The following B4GALNT4 variants were observed in gnomAD, a reference collection of about 807,000 sequenced individuals.
B4GALNT4 encodes the protein N-acetyl-beta-glucosaminyl-glycoprotein 4-beta-N-acetylgalactosaminyltransferase 1.
In B4GALNT4, 77 loss-of-function variants were observed where a neutral mutation model predicts 110.0. That is an observed-to-expected ratio of 0.70 (90% confidence interval 0.58 to 0.85). The LOEUF is 0.85. B4GALNT4 is among the 40% of genes least tolerant of loss of function. The pLI is 0.00. For missense variants in B4GALNT4, 1,575 were observed against 1,506.0 expected (o/e 1.05, Z -0.76); for synonymous variants, 785 against 655.5 (o/e 1.20, Z -3.02).
At chr11:377,368 G>A in intron 14 of B4GALNT4, 41 bp downstream of exon 14, 3 of 1,456,772 alleles carry the variant, frequency 2.1e-6, no homozygotes, top group Non-Finnish European at 2.7e-6. Flanking sequence ...GGTTTTGGAG[G>A]CGGGGACAGC....
intron 2 of B4GALNT4, among the ~76,000 whole-genome samples, 194 bp downstream of exon 2, chr11:372,406 G>C (rs1468932145): frequency 2.0e-5 from 3 of 152,104 alleles, no homozygotes; most frequent in Admixed American, 2.0e-4. Flanking sequence ...CTGTGTCTGG[G>C]GGCTGCAGCA....
chr11:376,715 G>C lies in B4GALNT4; in HGVS notation c.1592G>C (p.Arg531Pro). Residue 531 changes from arginine (R) to proline (P), a missense_variant, in exon 14 of 20, where the codon CGG (arginine) becomes CCG (proline). By Grantham distance (103) the Arg-to-Pro change is moderately radical. Coordinates refer to ENST00000329962, the MANE Select transcript of B4GALNT4 (RefSeq NM_178537.5). ...PPPKVYVTRV[R>P]PGQRASPRAP... Reference sequence around the variant, plus strand: ...CCAAAGGTGTACGTGACCAGGGTGCGGCCGGGACAGCGGGCATCCCCCCGG... The same window carrying C: ...CCAAAGGTGTACGTGACCAGGGTGCCGCCGGGACAGCGGGCATCCCCCCGG... The C allele has an allele frequency of 7.1e-7, 1 of 1,408,658 alleles. No individual in the cohort carries two copies. Among genetic ancestry groups the C allele is most frequent in the Non-Finnish European group, 9.2e-7 (1 of 1,087,456 alleles). 87.3% of individuals were successfully genotyped at this position (1,408,658 alleles called of 1,614,324 possible).
chr11:380,600 G>A lies in B4GALNT4; in HGVS notation c.2869+155G>A, dbSNP rs920402576. ...CCAGAGCCCCAGTCCCCCCGCACCA[G>A]CACACCCAGGGCCATGCCAGGGGCC... is the stretch of plus-strand genomic sequence containing the variant. On this transcript the variant is annotated intron_variant, in intron 18 of 19. Coordinates refer to ENST00000329962, the MANE Select transcript of B4GALNT4 (RefSeq NM_178537.5). The A allele has an allele frequency of 2.0e-5, 26 of 1,282,160 alleles. No homozygotes were observed. In the African/African-American group the frequency reaches 3.1e-4, roughly 15 times the overall value. The allele number at this position is 1,282,160 out of a possible 1,614,324, so 79.4% of individuals were successfully genotyped here.
chr11:373,837 C>T lies in B4GALNT4; in HGVS notation c.783+9C>T. The T allele has an allele frequency of 1.9e-6, 3 of 1,611,282 alleles. No homozygotes were observed. Among genetic ancestry groups the T allele is most frequent in the East Asian group, 2.2e-5 (1 of 44,848 alleles). On this transcript the variant is annotated intron_variant, in intron 8 of 19. Coordinates refer to ENST00000329962, the MANE Select transcript of B4GALNT4 (RefSeq NM_178537.5). ...ACCACGTGGAAGTGGGCGTGAGTGC[C>T]TTCCTCCCCTGGGGGCTTCTGGAGA...
rs549399924 is a variant in B4GALNT4, at chr11:370,258, C to A, written c.151+304C>A. 7.6e-4 allele frequency among the ~76,000 whole-genome samples: 115 copies of A among 152,156 alleles called. No individual in the cohort carries two copies. The South Asian group carries it at 0.013, about 17-fold the overall frequency. On this transcript the variant is annotated intron_variant, in intron 1 of 19. Coordinates refer to ENST00000329962, the MANE Select transcript of B4GALNT4 (RefSeq NM_178537.5). ...CCTGACTCTGGGATCTGGCTTGGAT[C>A]CGGTAGTGAGGGGCTGACGGTGGGC...
chr11:375,538 A>G lies in B4GALNT4; in HGVS notation c.850+11A>G. ...TCTCCCTGTACACAGGTGCGAGCGG[A>G]CGCCTCTGGGGATGTGGGGCTCCTC... On this transcript the variant is annotated intron_variant, in intron 9 of 19. Coordinates refer to ENST00000329962, the MANE Select transcript of B4GALNT4 (RefSeq NM_178537.5). 4 of 1,609,456 alleles carry G rather than the reference A, an allele frequency of 2.5e-6. No homozygotes were observed. Among genetic ancestry groups the G allele is most frequent in the Non-Finnish European group, 3.4e-6 (4 of 1,179,748 alleles).
At position 379,542 on chromosome 11, in the gene B4GALNT4, G is replaced by T; in HGVS notation, c.2329G>T (p.Val777Phe). 1 of 1,587,572 alleles carries T rather than the reference G, an allele frequency of 6.3e-7. No homozygotes were observed. The highest frequency in any genetic ancestry group is 8.5e-7 in the Non-Finnish European group (1 of 1,169,958). ...CGGCCGCCTGCGACTGTCCGAGTACGTCTTCCTGCGGCTGCCGGGAGCCCG... is the reference window on the plus strand; with the variant it reads ...CGGCCGCCTGCGACTGTCCGAGTACTTCTTCCTGCGGCTGCCGGGAGCCCG... ...GGGRLRLSEYVFLRLPGARVG... is the reference protein window; with the variant it reads ...GGGRLRLSEYFFLRLPGARVG... The change falls in exon 15 of 20, where the codon GTC (valine) becomes TTC (phenylalanine). Residue 777 changes from valine to phenylalanine, a missense_variant. Transcript: ENST00000329962.
At chr11:378,156 G>A (rs1035257161) in intron 14 of B4GALNT4, among the ~76,000 whole-genome samples, 3 of 152,214 alleles carry the variant, frequency 2.0e-5, no homozygotes, top group Admixed American at 6.5e-5. Flanking sequence ...TGCGAGCAGA[G>A]CAAAGGCAGG....
At position 376,057 on chromosome 11, in the gene B4GALNT4, G is replaced by GGCCC; in HGVS notation, c.1096-17_1096-16insGCCC. ...GGGAGGTCCGCGCCCTGAGCCCTGC[G>GGCCC]CCCCCCCACCCCCCAGGTGTACCTG... is the stretch of plus-strand genomic sequence containing the variant. On this transcript the variant is annotated splice_polypyrimidine_tract_variant and intron_variant, in intron 11 of 19. Coordinates refer to ENST00000329962, the MANE Select transcript of B4GALNT4 (RefSeq NM_178537.5). 6.3e-7 allele frequency: 1 copy of GGCCC among 1,579,354 alleles called. No individual in the cohort carries two copies. The highest frequency in any genetic ancestry group is 8.7e-7 in the Non-Finnish European group (1 of 1,150,856).
chr11:369,595 C>T lies in B4GALNT4; in HGVS notation c.-209C>T, dbSNP rs1416217965. ...GGGCGGGGGGCACCGCGAGGAGCCG[C>T]CCCCGCCGCCCACCCCGGGCCCGCG... is the stretch of plus-strand genomic sequence containing the variant. On this transcript the variant is annotated 5_prime_UTR_variant, in exon 1 of 20. Transcript: ENST00000329962. Among the ~76,000 whole-genome samples the T allele has an allele frequency of 6.9e-6, 1 of 144,076 alleles. No homozygotes were observed. The highest frequency in any genetic ancestry group is 1.5e-5 in the Non-Finnish European group (1 of 65,082). 94.5% of individuals were successfully genotyped at this position (144,076 alleles called of 152,430 possible).
chr11:372,307 A>T, intron 2 of B4GALNT4, 95 bp downstream of exon 2: 1 of 1,167,830 alleles, frequency 8.6e-7, no homozygotes, highest in Non-Finnish European at 1.2e-6. Flanking sequence ...ATTCTGGAGG[A>T]CGCAGCAGGG....
intron 7 of B4GALNT4, 115 bp downstream of exon 7, chr11:373,631 C>A: frequency 6.6e-7 from 1 of 1,515,350 alleles, no homozygotes; most frequent in Non-Finnish European, 9.1e-7. Flanking sequence ...CCCGCCCGGC[C>A]AAGCTGCCAT....
Position 381,662 on chromosome 11 carries a change from G to T in B4GALNT4, c.2997-7G>T, listed in dbSNP as rs1564873674. The T allele has an allele frequency of 2.5e-6, 4 of 1,580,634 alleles. No individual in the cohort carries two copies. In the South Asian group the frequency reaches 3.4e-5, roughly 13 times the overall value. ...GGTCCTGACCACCTCTCTGCCCCCG[G>T]CCCCAGGGTCCTGCAGGCAGGGCTG... On this transcript the variant is annotated splice_polypyrimidine_tract_variant and splice_region_variant and intron_variant, in intron 19 of 19. Coordinates refer to ENST00000329962, the MANE Select transcript of B4GALNT4 (RefSeq NM_178537.5).
rs1185862972 is a variant in B4GALNT4 at position 380,821 on chromosome 11, C to T, written c.2870-4C>T. Reference sequence around the variant, plus strand: ...GGGTAGCACCCCTCACCCTCCCGCCCCAGGTTACTGGGAGGTGAACGGCTT... The same window carrying T: ...GGGTAGCACCCCTCACCCTCCCGCCTCAGGTTACTGGGAGGTGAACGGCTT... On this transcript the variant is annotated splice_polypyrimidine_tract_variant and splice_region_variant and intron_variant, in intron 18 of 19. Transcript: ENST00000329962. 4 of 1,613,724 alleles carry T rather than the reference C, an allele frequency of 2.5e-6. No homozygotes were observed. Among genetic ancestry groups the T allele is most frequent in the Non-Finnish European group, 3.4e-6 (4 of 1,179,900 alleles).
chr11:376,989 G>A lies in B4GALNT4; in HGVS notation c.1866G>A (p.Ala622=). ...TGGACTCAAACTTGTCCTCCGAAGCGCGGCCCGTGACCTCCTTCCTGAGCT... is the reference window on the plus strand; with the variant it reads ...TGGACTCAAACTTGTCCTCCGAAGCACGGCCCGTGACCTCCTTCCTGAGCT... ...PTVDSNLSSE[A]RPVTSFLSLS... The change falls in exon 14 of 20, where the codon GCG becomes GCA. Residue 622 remains alanine, a synonymous_variant. Transcript: ENST00000329962. 1 of 1,454,978 alleles carries A rather than the reference G, an allele frequency of 6.9e-7. No individual in the cohort carries two copies. The highest frequency in any genetic ancestry group is 9.0e-7 in the Non-Finnish European group (1 of 1,109,232). 90.1% of individuals were successfully genotyped at this position (1,454,978 alleles called of 1,614,324 possible).
In B4GALNT4 at chr11:379,435, G is replaced by T; in HGVS notation, c.2222G>T (p.Arg741Leu). ...CCTTGCAGGCGCTTCGCGCTTCTGC[G>T]CATCGTGAACGTGGAGAAGCGCCGG... is the stretch of plus-strand genomic sequence containing the variant. ...ARHGGRFALLRIVNVEKRRDS... is the reference protein window; with the variant it reads ...ARHGGRFALLLIVNVEKRRDS... The change falls in exon 15 of 20, where the codon CGC becomes CTC. Residue 741 changes from arginine (R) to leucine (L), a missense_variant. By Grantham distance (102) the Arg-to-Leu change is moderately radical (BLOSUM62 -2). Transcript: ENST00000329962. 6.5e-7 allele frequency: 1 copy of T among 1,535,272 alleles called. No individual in the cohort carries two copies. The highest frequency in any genetic ancestry group is 8.7e-7 in the Non-Finnish European group (1 of 1,149,578).
chr11:375,437 AC>A (rs753671719), intron 8 of B4GALNT4, 23 bp from the exon 9 acceptor site: 8 of 1,609,666 alleles, frequency 5.0e-6, no homozygotes, highest in Non-Finnish European at 6.8e-6. Flanking sequence ...CCTGTCCCTG[AC>A]CCCCACCCTC....
chr11:380,193 C>G lies in B4GALNT4; in HGVS notation c.2706C>G (p.Asp902Glu), dbSNP rs777258020. ...CCGCCGGGCTGCAGGCGGGAGTGGA[C>G]GCGGTAGAGGTCCGAGGGCCCCATG... ...ERSAGLQAGV[D>E]AVEDASSIVF... is the part of the protein sequence containing the mutation. Residue 902 changes from aspartate to glutamate, a missense_variant, in exon 17 of 20, where the codon GAC becomes GAG. Coordinates refer to ENST00000329962, the MANE Select transcript of B4GALNT4 (RefSeq NM_178537.5). 6.2e-7 allele frequency: 1 copy of G among 1,602,514 alleles called. No homozygotes were observed. The highest frequency in any genetic ancestry group is 8.5e-7 in the Non-Finnish European group (1 of 1,172,466).
Position 379,975 on chromosome 11 carries a change from G to A in B4GALNT4, c.2598G>A (p.Glu866=), listed in dbSNP as rs1449479750. Residue 866 remains glutamate, a synonymous_variant, in exon 16 of 20, where the codon GAG becomes GAA. Coordinates refer to ENST00000329962, the MANE Select transcript of B4GALNT4 (RefSeq NM_178537.5). The part of the protein sequence containing the change: ...FSVVLVDFES[E]DMDVERALRA... Reference sequence around the variant, plus strand: ...TCGTCCTGGTGGATTTCGAGAGCGAGGATATGGACGTGGAGCGGGCCCTGC... The same window carrying A: ...TCGTCCTGGTGGATTTCGAGAGCGAAGATATGGACGTGGAGCGGGCCCTGC... 1.2e-6 allele frequency: 2 copies of A among 1,613,048 alleles called. No homozygotes were observed. The highest frequency in any genetic ancestry group is 1.1e-5 in the South Asian group (1 of 91,074).
Sources: allele counts gnomAD v4.1 joint callset (sites outside exome capture counted in the v4.1 genomes callset), GRCh38; gene constraint gnomAD v4.1.1; transcripts MANE v1.5; gene names NCBI Gene and HGNC (gene_info 2026-07-23, HGNC 2026-07-21).